Variants in ERCC2 observed in about 807,000 individuals in gnomAD.
The protein encoded by ERCC2 is ERCC excision repair 2, TFIIH core complex helicase subunit, also known as general transcription and DNA repair factor IIH helicase subunit XPD.
Under a neutral mutation model 99.4 loss-of-function variants are expected in ERCC2, and 90 were observed. That is an observed-to-expected ratio of 0.91 (90% CI 0.76 to 1.08). The LOEUF (loss-of-function observed/expected upper bound fraction) is 1.08. Among genes scored for constraint, ERCC2 ranks in the 50% least tolerant of loss-of-function variants. The pLI is 0.00. For synonymous variants in ERCC2, 497 were observed against 432.4 expected (o/e 1.15, Z -1.85); for missense variants, 993 against 1,038.1 (o/e 0.96, Z 0.60).
rs1016287392 is a variant in ERCC2, at chr19:45,357,618, G to A, written c.1307+12C>T. The A allele has an allele frequency of 6.2e-7, 1 of 1,613,926 alleles. No homozygotes were observed. The highest frequency in any genetic ancestry group is 1.3e-5 in the African/African-American group (1 of 74,916). On this transcript the variant is annotated intron_variant, in intron 13 of 22. Coordinates refer to ENST00000391945, the MANE Select transcript of ERCC2 (RefSeq NM_000400.4). ...CACAGAGCATTCACACCCTCACCGG[G>A]CAGGGTCCCACCTGAAGTGCAGGAT... is the stretch of plus-strand genomic sequence containing the variant.
At position 45,350,355 on chromosome 19, in the gene ERCC2, G is replaced by A; in HGVS notation, c.*1274C>T. On this transcript the variant is annotated 3_prime_UTR_variant, in exon 23 of 23. Coordinates refer to ENST00000391945, the MANE Select transcript of ERCC2 (RefSeq NM_000400.4). Reference sequence around the variant, plus strand: ...CTTCTCCGCAGGCCTCAGCCTACCTGAAACAGAACAAGTATCAACAAGCGG... The same window carrying A: ...CTTCTCCGCAGGCCTCAGCCTACCTAAAACAGAACAAGTATCAACAAGCGG... 6.2e-7 allele frequency: 1 copy of A among 1,613,282 alleles called. No homozygotes were observed. The highest frequency in any genetic ancestry group is 8.5e-7 in the Non-Finnish European group (1 of 1,179,906).
At position 45,350,712 on chromosome 19, in the gene ERCC2, CCGGCTCCGAGGCGAGG is replaced by C; in HGVS notation, c.*901_*916del. On this transcript the variant is annotated 3_prime_UTR_variant, in exon 23 of 23. Transcript: ENST00000391945. ...GGCGAGGAAGTGAGAAGCTGGTCTC[CCGGCTCCGAGGCGAGG>C]CGGCGGCAGGAGCAGCCGGGTGAGT... The C allele has an allele frequency of 6.2e-7, 1 of 1,613,456 alleles. No individual in the cohort carries two copies. Among genetic ancestry groups the C allele is most frequent in the African/African-American group, 1.3e-5 (1 of 74,990 alleles).
chr19:45,362,617 G>A (rs894649008), intron 11 of ERCC2, among the ~76,000 whole-genome samples: 2 of 152,226 alleles, frequency 1.3e-5, no homozygotes, highest in African/African-American at 4.8e-5. Flanking sequence ...GCCTACCCCG[G>A]CTGGTCGCTA....
At chr19:45,359,827 G>A (rs1972148731) in intron 12 of ERCC2, among the ~76,000 whole-genome samples, 4 of 151,724 alleles carry the variant, frequency 2.6e-5, no homozygotes, top group Admixed American at 2.6e-4. Flanking sequence ...AGGCTGGAGT[G>A]CAGCTGGTGT....
chr19:45,364,147 G>A (rs1373424853), intron 9 of ERCC2, 28 bp from the exon 10 acceptor site: 8 of 1,611,702 alleles, frequency 5.0e-6, no homozygotes, highest in African/African-American at 1.3e-5. Context: ...GGGGCTGGGA[G>A]GGGGCTGGCA....
In ERCC2 at chr19:45,357,498, G is replaced by T; in HGVS notation, c.1353C>A (p.Phe451Leu). The change falls in exon 14 of 23, where the codon TTC becomes TTA. Residue 451 changes from phenylalanine (F) to leucine (L), a missense_variant. This residue lies in a region of ERCC2 where 909 missense variants were observed against 930.8 expected (regional missense o/e 0.98). Transcript: ENST00000391945. ...SLAIKPVFERFQSVIITSGTL... is the reference protein window; with the variant it reads ...SLAIKPVFERLQSVIITSGTL... ...CCCCAGATGTGATGATGACAGACTG[G>T]AAACGCTCAAATACGGGTTTGATGG... 6.2e-7 allele frequency: 1 copy of T among 1,614,166 alleles called. No individual in the cohort carries two copies. Among genetic ancestry groups the T allele is most frequent in the Non-Finnish European group, 8.5e-7 (1 of 1,179,994 alleles).
At position 45,363,924 on chromosome 19, in the gene ERCC2, G is replaced by A. The variant is rs886054498; in HGVS notation, c.950-13C>T. On this transcript the variant is annotated splice_polypyrimidine_tract_variant and intron_variant, in intron 10 of 22. Coordinates refer to ENST00000391945, the MANE Select transcript of ERCC2 (RefSeq NM_000400.4). ...CCAGGCACTGCCTCTGCGAGGAGAC[G>A]CTATCAGCGGCGACGGGGAGGCGGG... is the stretch of plus-strand genomic sequence containing the variant. 7.1e-6 allele frequency: 11 copies of A among 1,539,080 alleles called. No homozygotes were observed. In the East Asian group the frequency reaches 7.3e-5, roughly 10 times the overall value.
rs961127903 is a variant in ERCC2, at chr19:45,351,099, AGTGGTGGAGTCAGCAG to A, written c.*514_*529del. 7.9e-5 allele frequency: 127 copies of A among 1,610,326 alleles called. No individual in the cohort carries two copies. Among genetic ancestry groups the A allele is most frequent in the Admixed American group, 4.5e-4 (27 of 59,560 alleles). On this transcript the variant is annotated 3_prime_UTR_variant, in exon 23 of 23. Transcript: ENST00000391945. ...GAGGCAAAGGCAGGGCGGTCGGGCCAGTGGTGGAGTCAGCAGGTGGTGGGTTGGTGTCAGAAGAGAC... is the reference window on the plus strand; with the variant it reads ...GAGGCAAAGGCAGGGCGGTCGGGCCAGTGGTGGGTTGGTGTCAGAAGAGAC...
intron 5 of ERCC2, among the ~76,000 whole-genome samples, chr19:45,368,120 C>A (rs1220082912): frequency 6.6e-6 from 1 of 152,024 alleles, no homozygotes; most frequent in African/African-American, 2.4e-5. Context: ...ATGATCTGCC[C>A]ACCTCAGACT....
At chr19:45,361,435 T>G in intron 12 of ERCC2, 89 bp downstream of exon 12, 1 of 932,828 alleles carries the variant, frequency 1.1e-6, no homozygotes, top group Non-Finnish European at 1.8e-6. Context: ...CAAAGCCCTG[T>G]GTGTCCTGCC....
At position 45,352,542 on chromosome 19, in the gene ERCC2, G is replaced by GC; in HGVS notation, c.2009dup (p.Lys671GlnfsTer103). On this transcript the variant is annotated frameshift_variant, in exon 21 of 23. Coordinates refer to ENST00000391945, the MANE Select transcript of ERCC2 (RefSeq NM_000400.4). LOFTEE classifies it high-confidence loss of function. ...AGACCATGAGGCCGTAGTCCGTCTT[G>GC]CCCCTGATGGCCCGACCCACACACT... The GC allele has an allele frequency of 6.2e-7, 1 of 1,614,184 alleles. No homozygotes were observed. Among genetic ancestry groups the GC allele is most frequent in the Non-Finnish European group, 8.5e-7 (1 of 1,180,050 alleles).
At chr19:45,367,962 A>G (rs1972486036) in intron 5 of ERCC2, among the ~76,000 whole-genome samples, 1 of 150,664 alleles carries the variant, frequency 6.6e-6, no homozygotes, top group Non-Finnish European at 1.5e-5. Context: ...CAGTGGCATG[A>G]CCTCAGCTCA....
At chr19:45,358,859 G>C (rs370112245) in intron 12 of ERCC2, 11 of 780,746 alleles carry the variant, frequency 1.4e-5, no homozygotes, top group Middle Eastern at 2.2e-4. Flanking sequence ...GTTCTGGGGG[G>C]TTAGGGATGA....
At position 45,351,451 on chromosome 19, in the gene ERCC2, C is replaced by A. The variant is rs886420131; in HGVS notation, c.*178G>T. 5 of 1,583,494 alleles carry A rather than the reference C, an allele frequency of 3.2e-6. No individual in the cohort carries two copies. Among genetic ancestry groups the A allele is most frequent in the African/African-American group, 1.3e-5 (1 of 74,700 alleles). On this transcript the variant is annotated 3_prime_UTR_variant, in exon 23 of 23. Transcript: ENST00000391945. Reference sequence around the variant, plus strand: ...AGGGGGTCTATCATCTCCTGGCCCCCCCTTGCCTCTGGGTACCTGGTGGAT... The same window carrying A: ...AGGGGGTCTATCATCTCCTGGCCCCACCTTGCCTCTGGGTACCTGGTGGAT...
rs768101288 is a variant in ERCC2 at position 45,351,655 on chromosome 19, T to A, written c.2257A>T (p.Ile753Leu). The change falls in exon 23 of 23, where the codon ATA becomes TTA. Residue 753 changes from isoleucine to leucine, a missense_variant. Physicochemically the swap from Ile to Leu is conservative, Grantham distance 5. Around this residue, in one of 3 missense-constraint regions of ERCC2, gnomAD observed 909 missense variants for 930.8 expected, o/e 0.98. Coordinates refer to ENST00000391945, the MANE Select transcript of ERCC2 (RefSeq NM_000400.4). ...QLESEETLKR[I>L]EQIAQQL is the part of the protein sequence containing the mutation. ...CAGAGCTGCTGAGCAATCTGCTCTA[T>A]CCTCTTCAGCGTCTCCTCTGATTCT... is the stretch of plus-strand genomic sequence containing the variant. 5.9e-5 allele frequency: 96 copies of A among 1,613,970 alleles called. No homozygotes were observed. The highest frequency in any genetic ancestry group is 7.8e-5 in the Non-Finnish European group (92 of 1,180,002).
In ERCC2 at chr19:45,350,862, A is replaced by C. The variant is rs1971724453; in HGVS notation, c.*767T>G. The stretch of plus-strand genomic sequence containing the variant: ...CCATGGCTCCCATCTCCCCTGTGAT[A>C]CACACAGATCAAACCCTGTGCTGGA... On this transcript the variant is annotated 3_prime_UTR_variant, in exon 23 of 23. Transcript: ENST00000391945. 2 of 1,464,724 alleles carry C rather than the reference A, an allele frequency of 1.4e-6. No homozygotes were observed. The highest frequency in any genetic ancestry group is 1.7e-4 in the Middle Eastern group (1 of 5,762). The allele number at this position is 1,464,724 out of a possible 1,614,324, so 90.7% of individuals were successfully genotyped here.
rs1050709482 is a variant in ERCC2, at chr19:45,364,485, G to T, written c.657C>A (p.Asp219Glu). The T allele has an allele frequency of 1.2e-6, 2 of 1,613,872 alleles. No individual in the cohort carries two copies. Among genetic ancestry groups the T allele is most frequent in the Non-Finnish European group, 1.7e-6 (2 of 1,180,014 alleles). ...YHYLLDPKIA[D>E]LVSKELARKA... Reference sequence around the variant, plus strand: ...TGCGGGCCAGTTCCTTGGACACCAGGTCTGCAATCTTGGGGTCCAGGAGGT... The same window carrying T: ...TGCGGGCCAGTTCCTTGGACACCAGTTCTGCAATCTTGGGGTCCAGGAGGT... The change falls in exon 8 of 23, where the codon GAC becomes GAA. Residue 219 changes from aspartate to glutamate, a missense_variant. Around this residue, in one of 3 missense-constraint regions of ERCC2, gnomAD observed 909 missense variants for 930.8 expected, o/e 0.98. Coordinates refer to ENST00000391945, the MANE Select transcript of ERCC2 (RefSeq NM_000400.4).
At chr19:45,370,369 GC>G (rs1972566349) in intron 1 of ERCC2, 137 bp from the exon 2 acceptor site, 2 of 1,512,446 alleles carry the variant, frequency 1.3e-6, no homozygotes, top group Admixed American at 2.0e-5. Flanking sequence ...GAGCCTCGGG[GC>G]CCCCTCAGTG....
At position 45,351,282 on chromosome 19, in the gene ERCC2, CCA is replaced by C. The variant is rs759497428; in HGVS notation, c.*345_*346del. Reference sequence around the variant, plus strand: ...CTCCAACCATCCCCTGTGCCTGTCTCCAGTTTCCCAGCTGGCACCTGGACAAG... The same window carrying C: ...CTCCAACCATCCCCTGTGCCTGTCTCGTTTCCCAGCTGGCACCTGGACAAG... On this transcript the variant is annotated 3_prime_UTR_variant, in exon 23 of 23. Transcript: ENST00000391945. The C allele has an allele frequency of 1.2e-6, 2 of 1,612,532 alleles. No homozygotes were observed. Among genetic ancestry groups the C allele is most frequent in the Admixed American group, 1.7e-5 (1 of 59,978 alleles).
Sources: allele counts gnomAD v4.1 joint callset (sites outside exome capture counted in the v4.1 genomes callset), GRCh38; gene constraint gnomAD v4.1.1; regional missense constraint gnomAD v4.1.1; transcripts MANE v1.5; gene names NCBI Gene and HGNC (gene_info 2026-07-23, HGNC 2026-07-21).